SDK1: variants seen among roughly 807,000 people sequenced by gnomAD.
SDK1 encodes protein sidekick-1.
SDK1 carries 157 observed loss-of-function variants against 245.5 expected under a neutral mutation model. The ratio of observed to expected loss-of-function variants is 0.64; its 90% CI spans 0.56 to 0.73. The LOEUF is 0.73. Among genes scored for constraint, SDK1 ranks in the 30% least tolerant of loss-of-function variants. The pLI, the probability that SDK1 is intolerant of heterozygous loss-of-function variation, is 0.00. For missense variants in SDK1, 3,583 were observed against 3,002.3 expected, an observed-to-expected ratio of 1.19 and a Z score of -4.52; for synonymous variants, 1,647 against 1,278.5, an observed-to-expected ratio of 1.29 and a Z score of -6.15.
intron 22 of SDK1, among the ~76,000 whole-genome samples, chr7:4,095,565 TTTTA>T (rs1194140555): frequency 2.6e-5 from 4 of 152,182 alleles, no homozygotes; most frequent in East Asian, 3.9e-4. Flanking sequence ...TATTTTTAAT[TTTTA>T]TTTATTTATT....
chr7:3,371,234 T>C (rs1781219861), intron 1 of SDK1, among the ~76,000 whole-genome samples: 1 of 152,010 alleles, frequency 6.6e-6, no homozygotes, highest in Non-Finnish European at 1.5e-5. Context: ...AGAAATGTGC[T>C]AGTATTTAGT....
chr7:4,140,373 C>T lies in SDK1; in HGVS notation c.4229-5349C>T, dbSNP rs191352548. On this transcript the variant is annotated intron_variant, in intron 28 of 44. Transcript: ENST00000404826. ...CAGCCTCCCCAGATGGGAGCCCTCA[C>T]ATGCTGGAGGCGTGGCTCTGGAGCT... Among the ~76,000 whole-genome samples the T allele has an allele frequency of 2.5e-4, 38 of 152,330 alleles. 1 individual carries two copies. In the East Asian group the frequency reaches 6.6e-3, roughly 26 times the overall value.
intron 4 of SDK1, among the ~76,000 whole-genome samples, chr7:3,773,273 C>T (rs1216051676): frequency 6.6e-6 from 1 of 152,072 alleles, no homozygotes; most frequent in East Asian, 1.9e-4. Flanking sequence ...TTTTCCTTTG[C>T]CCTATCTTCA....
intron 8 of SDK1, among the ~76,000 whole-genome samples, chr7:3,959,590 C>T (rs1165273499): frequency 6.6e-6 from 1 of 152,064 alleles, no homozygotes; most frequent in Non-Finnish European, 1.5e-5. Flanking sequence ...CTTGTGAGTC[C>T]CCATTGTCTG....
intron 20 of SDK1, among the ~76,000 whole-genome samples, chr7:4,069,013 C>T (rs531481938): frequency 1.2e-4 from 19 of 152,150 alleles, no homozygotes; most frequent in Non-Finnish European, 2.6e-4. Context: ...TGAGCCACTG[C>T]GCCTGGCCAA....
intron 19 of SDK1, among the ~76,000 whole-genome samples, chr7:4,067,015 G>A (rs1005090337): frequency 6.6e-6 from 1 of 152,164 alleles, no homozygotes; most frequent in Non-Finnish European, 1.5e-5. Context: ...TCATGACAGC[G>A]GCTGATGATC....
intron 1 of SDK1, among the ~76,000 whole-genome samples, chr7:3,310,277 A>G (rs937898834): frequency 6.6e-6 from 1 of 152,172 alleles, no homozygotes; most frequent in Non-Finnish European, 1.5e-5. Context: ...TCAGATTTGT[A>G]TTTTAAAGTC....
chr7:3,458,315 G>T (rs887076567), intron 1 of SDK1, among the ~76,000 whole-genome samples: 2 of 151,896 alleles, frequency 1.3e-5, no homozygotes, highest in African/African-American at 2.4e-5. Flanking sequence ...ATTCATTTAG[G>T]ATATAAGCTC....
At chr7:4,061,837 A>G (rs1431693163) in intron 19 of SDK1, among the ~76,000 whole-genome samples, 5 of 151,942 alleles carry the variant, frequency 3.3e-5, no homozygotes, top group Non-Finnish European at 5.9e-5. Context: ...TTGTAGGGAC[A>G]TGGATGAAAT....
chr7:4,221,905 T>A (rs1338963778), intron 40 of SDK1, among the ~76,000 whole-genome samples: 3 of 152,216 alleles, frequency 2.0e-5, no homozygotes, highest in African/African-American at 4.8e-5. Context: ...TTGCCTTTAA[T>A]AACTAAGGAT....
intron 36 of SDK1, 142 bp downstream of exon 36, chr7:4,206,136 G>C (rs980201355): frequency 1.6e-6 from 1 of 612,182 alleles, no homozygotes; most frequent in East Asian, 2.9e-5. Context: ...AGCTTGGCTA[G>C]ACCTGGCCTG....
intron 4 of SDK1, among the ~76,000 whole-genome samples, chr7:3,730,235 C>G (rs2115039796): frequency 6.6e-6 from 1 of 152,248 alleles, no homozygotes; most frequent in East Asian, 1.9e-4. Context: ...ATCTCAGCCT[C>G]ACATACAGTG....
At chr7:3,835,269 G>A (rs1330793032) in intron 5 of SDK1, among the ~76,000 whole-genome samples, 7 of 152,132 alleles carry the variant, frequency 4.6e-5, no homozygotes, top group Admixed American at 1.3e-4. Context: ...GTGTCCACAT[G>A]CATTTCCTCA....
At chr7:3,821,688 G>T (rs1779650040) in intron 5 of SDK1, 105 bp downstream of exon 5, 2 of 1,255,546 alleles carry the variant, frequency 1.6e-6, no homozygotes, top group Non-Finnish European at 2.2e-6. Context: ...TCTCTCTCTA[G>T]TGTAGTAGTT....
At chr7:3,470,708 G>C in intron 1 of SDK1, among the ~76,000 whole-genome samples, 1 of 152,096 alleles carries the variant, frequency 6.6e-6, no homozygotes, top group Non-Finnish European at 1.5e-5. Context: ...CAGAAAATAG[G>C]GTGCCAGCAG....
intron 14 of SDK1, among the ~76,000 whole-genome samples, chr7:3,992,523 G>A (rs1784409398): frequency 1.3e-5 from 2 of 152,326 alleles, no homozygotes; most frequent in South Asian, 2.1e-4. Flanking sequence ...TTGAGAGAGT[G>A]CAGGGATTCT....
intron 21 of SDK1, 104 bp downstream of exon 21, chr7:4,077,293 GA>G (rs1780748320): frequency 9.0e-7 from 1 of 1,115,814 alleles, no homozygotes; most frequent in Non-Finnish European, 1.3e-6. Flanking sequence ...TGAGTGCCTT[GA>G]AAAGGAGTAG....
intron 1 of SDK1, among the ~76,000 whole-genome samples, chr7:3,428,215 C>G (rs928508561): frequency 2.0e-5 from 3 of 152,174 alleles, no homozygotes; most frequent in African/African-American, 7.2e-5. Flanking sequence ...CTGTTATTTA[C>G]TCAGTGATTG....
chr7:3,915,660 T>C (rs898243880), intron 5 of SDK1, among the ~76,000 whole-genome samples: 1 of 152,190 alleles, frequency 6.6e-6, no homozygotes. Context: ...TGTGTCTTTA[T>C]TAGCAGCGTG....
Sources: allele counts gnomAD v4.1 joint callset (sites outside exome capture counted in the v4.1 genomes callset), GRCh38; gene constraint gnomAD v4.1.1; transcripts MANE v1.5; gene names NCBI Gene and HGNC (gene_info 2026-07-23, HGNC 2026-07-21).